Variants in RAPGEF4 observed in about 807,000 individuals in gnomAD.
The protein encoded by RAPGEF4 is RAP guanine-nucleotide-exchange factor (GEF) 4.
In RAPGEF4, 66 loss-of-function variants were observed where a neutral mutation model predicts 147.9. The ratio of observed to expected loss-of-function variants is 0.45; its 90% CI spans 0.37 to 0.55. The LOEUF is 0.55. RAPGEF4 is among the 20% of genes least tolerant of loss of function. The pLI, the probability that RAPGEF4 is intolerant of heterozygous loss-of-function variation, is 0.00. For synonymous variants in RAPGEF4, 419 were observed against 442.7 expected (o/e 0.95, Z 0.67); for missense variants, 1,071 against 1,257.3 (o/e 0.85, Z 2.24).
chr2:172,850,252 GA>G (rs966087367), intron 4 of RAPGEF4, among the ~76,000 whole-genome samples: 4 of 151,858 alleles, frequency 2.6e-5, no homozygotes, highest in Admixed American at 6.5e-5. Context: ...ATTTGACTCA[GA>G]AAAAAAATCA....
intron 6 of RAPGEF4, among the ~76,000 whole-genome samples, chr2:172,952,056 A>C (rs1688255555): frequency 6.6e-6 from 1 of 152,196 alleles, no homozygotes; most frequent in Non-Finnish European, 1.5e-5. Flanking sequence ...AATTCCTGCC[A>C]GGCATGGTAA....
chr2:172,957,899 C>T (rs1377316941), intron 6 of RAPGEF4, among the ~76,000 whole-genome samples: 2 of 152,190 alleles, frequency 1.3e-5, no homozygotes, highest in African/African-American at 4.8e-5. Context: ...TTTAGTAACA[C>T]TTTCTTTTCA....
chr2:172,993,638 G>A (rs1693043282), intron 15 of RAPGEF4, among the ~76,000 whole-genome samples: 1 of 152,026 alleles, frequency 6.6e-6, no homozygotes, highest in African/African-American at 2.4e-5. Flanking sequence ...TTTAAACAGA[G>A]GCCAAGCAGT....
intron 4 of RAPGEF4, 81 bp downstream of exon 4, chr2:172,814,506 C>T (rs775532000): frequency 6.7e-6 from 10 of 1,496,974 alleles, no homozygotes; most frequent in Middle Eastern, 1.7e-4. Flanking sequence ...GCATTACAGT[C>T]AAGCCTTAAT....
intron 10 of RAPGEF4, among the ~76,000 whole-genome samples, chr2:172,981,857 T>C (rs1452182484): frequency 6.6e-6 from 1 of 152,260 alleles, no homozygotes; most frequent in Non-Finnish European, 1.5e-5. Flanking sequence ...AGTACTTATC[T>C]AATAATCAGC....
intron 4 of RAPGEF4, among the ~76,000 whole-genome samples, chr2:172,825,121 G>T (rs1689524073): frequency 6.6e-6 from 1 of 152,156 alleles, no homozygotes; most frequent in Non-Finnish European, 1.5e-5. Flanking sequence ...TAAACCCATT[G>T]TAAGTTGAAA....
intron 1 of RAPGEF4, among the ~76,000 whole-genome samples, chr2:172,770,283 C>A (rs760393713): frequency 2.6e-5 from 4 of 152,128 alleles, no homozygotes; most frequent in Non-Finnish European, 4.4e-5. Context: ...TGGCCCTGAT[C>A]AAAAATATGG....
At chr2:173,009,649 T>A (rs1694823656) in intron 17 of RAPGEF4, among the ~76,000 whole-genome samples, 1 of 152,162 alleles carries the variant, frequency 6.6e-6, no homozygotes, top group Admixed American at 6.5e-5. Context: ...AAAGAGATAC[T>A]CAACTGTGTA....
chr2:173,052,631 A>G lies in RAPGEF4; in HGVS notation c.*864A>G, dbSNP rs1032172509. 6 of 152,664 alleles carry G rather than the reference A, an allele frequency of 3.9e-5. No homozygotes were observed. The highest frequency in any genetic ancestry group is 8.8e-5 in the Non-Finnish European group (6 of 68,030). 9.5% of individuals were successfully genotyped at this position (152,664 alleles called of 1,614,324 possible). On this transcript the variant is annotated 3_prime_UTR_variant, in exon 31 of 31. Coordinates refer to ENST00000397081, the MANE Select transcript of RAPGEF4 (RefSeq NM_007023.4). ...TCTGGACTTAAATGTTATTACAAAT[A>G]TCTTAATTTTCAGTAATTGTTTTGC...
chr2:172,750,269 G>A (rs1239712543), intron 1 of RAPGEF4, among the ~76,000 whole-genome samples: 1 of 152,026 alleles, frequency 6.6e-6, no homozygotes, highest in Non-Finnish European at 1.5e-5. Flanking sequence ...ATCCGAGACT[G>A]GTTAATTTAT....
rs544617913 is a variant in RAPGEF4, at chr2:173,037,617, G to T, written c.2853+925G>T. On this transcript the variant is annotated intron_variant, in intron 29 of 30. Transcript: ENST00000397081. ...TGATCATTGTCTTCTGAATCCTTTG[G>T]CTGCAACCTGGTGGATGGAGTGTTG... Among the ~76,000 whole-genome samples, 105 of 152,256 alleles carry T rather than the reference G, an allele frequency of 6.9e-4. 2 individuals carry two copies. The South Asian group carries it at 0.021, about 31-fold the overall frequency.
chr2:172,845,202 G>C (rs961561418), intron 4 of RAPGEF4, among the ~76,000 whole-genome samples: 4 of 152,190 alleles, frequency 2.6e-5, no homozygotes, highest in Non-Finnish European at 5.9e-5. Flanking sequence ...TGTGGGGACA[G>C]GGAGTCCTTG....
At position 172,947,422 on chromosome 2, in the gene RAPGEF4, A is replaced by G. The variant is rs180689512; in HGVS notation, c.538-13338A>G. On this transcript the variant is annotated intron_variant, in intron 6 of 30. Transcript: ENST00000397081. ...ATCAGTATTCTTAGACATTTCCAGA[A>G]TCGCTGAAGGAATGAATATTACTAA... Among the ~76,000 whole-genome samples, 333 of 152,294 alleles carry G rather than the reference A, an allele frequency of 2.2e-3. 2 individuals are homozygous for G. The highest frequency in any genetic ancestry group is 2.7e-3 in the Non-Finnish European group (186 of 68,012).
rs976037039 is a variant in RAPGEF4, at chr2:172,766,901, C to T, written c.66-28124C>T. On this transcript the variant is annotated intron_variant, in intron 1 of 30. Coordinates refer to ENST00000397081, the MANE Select transcript of RAPGEF4 (RefSeq NM_007023.4). ...ATATACACAATTCATTTATCCAAGACGATTCTGAAACTGTGTGCAAGGAAA... is the reference window on the plus strand; with the variant it reads ...ATATACACAATTCATTTATCCAAGATGATTCTGAAACTGTGTGCAAGGAAA... Among the ~76,000 whole-genome samples, 8 of 152,074 alleles carry T rather than the reference C, an allele frequency of 5.3e-5. 1 individual carries two copies. The highest frequency in any genetic ancestry group is 3.3e-4 in the Admixed American group (5 of 15,270).
At chr2:173,044,697 C>T (rs1430500262) in intron 29 of RAPGEF4, among the ~76,000 whole-genome samples, 1 of 152,100 alleles carries the variant, frequency 6.6e-6, no homozygotes, top group Non-Finnish European at 1.5e-5. Context: ...TCAGTTTAAG[C>T]GTGGCGACAG....
intron 24 of RAPGEF4, 122 bp from the exon 25 acceptor site, chr2:173,026,959 C>A: frequency 1.1e-6 from 1 of 915,440 alleles, no homozygotes; most frequent in Non-Finnish European, 1.6e-6. Flanking sequence ...TCATGGAAGC[C>A]CTTCAAGTCT....
At chr2:172,974,113 C>T (rs1469372308) in intron 10 of RAPGEF4, among the ~76,000 whole-genome samples, 2 of 152,134 alleles carry the variant, frequency 1.3e-5, no homozygotes, top group Non-Finnish European at 2.9e-5. Context: ...TAAACAATTA[C>T]TTAATTCAAT....
chr2:173,020,958 CT>C (rs1485276761), intron 23 of RAPGEF4, among the ~76,000 whole-genome samples: 4 of 152,200 alleles, frequency 2.6e-5, no homozygotes, highest in African/African-American at 7.2e-5. Context: ...TTTCAGAACT[CT>C]TTGTTGTAAT....
At chr2:173,050,457 C>G (rs554108686) in intron 30 of RAPGEF4, among the ~76,000 whole-genome samples, 2 of 152,158 alleles carry the variant, frequency 1.3e-5, no homozygotes, top group African/African-American at 2.4e-5. Flanking sequence ...CCCCTTCACC[C>G]CTTGTGCAGA....
Sources: gnomAD v4.1 joint callset for allele counts (sites outside exome capture counted in the v4.1 genomes callset) on GRCh38, gnomAD v4.1.1 for gene constraint, MANE v1.5 for transcripts, NCBI Gene and HGNC (gene_info 2026-07-23, HGNC 2026-07-21) for gene names.